Variants in CNTN5 observed in about 807,000 individuals in gnomAD.
CNTN5 encodes contactin 5.
Under a neutral mutation model 129.1 loss-of-function variants are expected in CNTN5, and 77 were observed. That is an observed-to-expected ratio of 0.60 (90% CI 0.50 to 0.72). The LOEUF (loss-of-function observed/expected upper bound fraction) is 0.72, where lower values mean the gene tolerates loss of function less well. CNTN5 is among the 30% of genes least tolerant of loss of function. The pLI is 0.00. For missense variants in CNTN5, 1,478 were observed against 1,328.8 expected (o/e 1.11, Z -1.75); for synonymous variants, 509 against 465.6 (o/e 1.09, Z -1.20).
intron 9 of CNTN5, among the ~76,000 whole-genome samples, chr11:100,038,447 G>T (rs1208306152): frequency 6.6e-6 from 1 of 152,224 alleles, no homozygotes; most frequent in African/African-American, 2.4e-5. Context: ...ATATTCTGTT[G>T]ATTTGGGGTG....
chr11:99,511,717 C>A (rs1946842856), intron 2 of CNTN5, among the ~76,000 whole-genome samples: 1 of 151,958 alleles, frequency 6.6e-6, no homozygotes, highest in African/African-American at 2.4e-5. Context: ...CTTTATGAAT[C>A]TGGGTACTCC....
At chr11:100,277,793 C>T (rs1045996212) in intron 18 of CNTN5, among the ~76,000 whole-genome samples, 4 of 151,824 alleles carry the variant, frequency 2.6e-5, no homozygotes, top group African/African-American at 9.7e-5. Flanking sequence ...TTACTGTTTC[C>T]TTTGCTGTGT....
At chr11:100,063,909 T>A (rs1391126058) in intron 10 of CNTN5, among the ~76,000 whole-genome samples, 4 of 151,974 alleles carry the variant, frequency 2.6e-5, no homozygotes, top group Non-Finnish European at 5.9e-5. Context: ...AATAAAAGTA[T>A]GTCGGTTATC....
At chr11:99,117,630 C>T (rs967100883) in intron 1 of CNTN5, among the ~76,000 whole-genome samples, 10 of 152,150 alleles carry the variant, frequency 6.6e-5, no homozygotes, top group African/African-American at 1.7e-4. Flanking sequence ...GAAGCCCTAA[C>T]ACCCAATGTA....
At chr11:99,034,179 T>A (rs1280415731) in intron 1 of CNTN5, among the ~76,000 whole-genome samples, 2 of 152,214 alleles carry the variant, frequency 1.3e-5, no homozygotes, top group Non-Finnish European at 2.9e-5. Flanking sequence ...GCCAGTATTT[T>A]ATTGAGGATT....
At chr11:99,718,429 A>G (rs532574548) in intron 3 of CNTN5, among the ~76,000 whole-genome samples, 13 of 152,176 alleles carry the variant, frequency 8.5e-5, no homozygotes, top group Non-Finnish European at 1.9e-4. Flanking sequence ...AAGAGGGTCT[A>G]GGAAAAGTTC....
At chr11:99,114,306 A>G (rs370238488) in intron 1 of CNTN5, among the ~76,000 whole-genome samples, 1 of 152,110 alleles carries the variant, frequency 6.6e-6, no homozygotes, top group East Asian at 1.9e-4. Flanking sequence ...CGAGAGATGT[A>G]GTGTCATAAT....
At chr11:100,060,334 C>G (rs1376252785) in intron 9 of CNTN5, among the ~76,000 whole-genome samples, 1 of 151,408 alleles carries the variant, frequency 6.6e-6, no homozygotes, top group Non-Finnish European at 1.5e-5. Context: ...CAGAATAAGT[C>G]AGGCTAATTA....
At chr11:99,062,241 A>G (rs1055912797) in intron 1 of CNTN5, among the ~76,000 whole-genome samples, 18 of 152,296 alleles carry the variant, frequency 1.2e-4, no homozygotes, top group East Asian at 1.9e-4. Context: ...ACAACAAGCA[A>G]TGTTGGAGCA....
intron 8 of CNTN5, among the ~76,000 whole-genome samples, chr11:100,001,198 A>G (rs1335726678): frequency 2.6e-5 from 4 of 152,192 alleles, no homozygotes; most frequent in African/African-American, 7.2e-5. Flanking sequence ...AAAACTTACA[A>G]TTATGATGGA....
chr11:99,462,415 TAG>T (rs1272700642), intron 2 of CNTN5, among the ~76,000 whole-genome samples: 3 of 150,844 alleles, frequency 2.0e-5, no homozygotes, highest in East Asian at 3.9e-4. Context: ...CAAAAATTTC[TAG>T]AGAGACTTCT....
At chr11:99,618,305 C>A (rs1055914750) in intron 3 of CNTN5, among the ~76,000 whole-genome samples, 4 of 152,090 alleles carry the variant, frequency 2.6e-5, no homozygotes, top group African/African-American at 4.8e-5. Flanking sequence ...TCATGAAATT[C>A]TTATAAACTA....
chr11:99,880,946 T>C (rs1381999702), intron 6 of CNTN5, among the ~76,000 whole-genome samples: 1 of 152,208 alleles, frequency 6.6e-6, no homozygotes, highest in East Asian at 1.9e-4. Flanking sequence ...TTATAAAGTG[T>C]ACCTAAAAAT....
chr11:99,102,364 A>C (rs1565318427), intron 1 of CNTN5, among the ~76,000 whole-genome samples: 1 of 152,200 alleles, frequency 6.6e-6, no homozygotes, highest in Non-Finnish European at 1.5e-5. Context: ...TTCTGCAGCC[A>C]GCTTGAATTT....
intron 2 of CNTN5, among the ~76,000 whole-genome samples, chr11:99,392,494 T>C (rs957003322): frequency 6.6e-6 from 1 of 151,872 alleles, no homozygotes; most frequent in African/African-American, 2.4e-5. Context: ...AAGGCTAACT[T>C]TTCATCCAGC....
At chr11:99,986,614 T>C (rs749527143) in intron 8 of CNTN5, among the ~76,000 whole-genome samples, 5 of 152,192 alleles carry the variant, frequency 3.3e-5, no homozygotes, top group Non-Finnish European at 5.9e-5. Context: ...AGAATATTTA[T>C]TATACTGAAA....
At chr11:99,440,428 A>C (rs1395642459) in intron 2 of CNTN5, among the ~76,000 whole-genome samples, 1 of 151,714 alleles carries the variant, frequency 6.6e-6, no homozygotes, top group Non-Finnish European at 1.5e-5. Flanking sequence ...ATATATAAAA[A>C]TATTATTAAG....
At chr11:99,583,664 C>T (rs1219448959) in intron 3 of CNTN5, among the ~76,000 whole-genome samples, 1 of 152,184 alleles carries the variant, frequency 6.6e-6, no homozygotes, top group Non-Finnish European at 1.5e-5. Context: ...GTTTGTTAAG[C>T]CCGTTGGAAA....
intron 1 of CNTN5, among the ~76,000 whole-genome samples, chr11:99,324,877 G>A (rs549053865): frequency 6.8e-4 from 103 of 152,206 alleles, no homozygotes; most frequent in African/African-American, 2.4e-3. Context: ...TCCTGACCTC[G>A]TGATCCGCCT....
Sources: allele counts gnomAD v4.1 joint callset (sites outside exome capture counted in the v4.1 genomes callset), GRCh38; gene constraint gnomAD v4.1.1; transcripts MANE v1.5; gene names NCBI Gene and HGNC (gene_info 2026-07-23, HGNC 2026-07-21).